The following MEI1 variants were observed in gnomAD, a reference collection of about 807,000 sequenced individuals.
MEI1 encodes the protein meiotic double-stranded break formation protein 1.
MEI1 carries 103 observed loss-of-function variants against 146.2 expected under a neutral mutation model. The ratio of observed to expected loss-of-function variants is 0.70; its 90% CI spans 0.60 to 0.83. The LOEUF (loss-of-function observed/expected upper bound fraction) is 0.83. Among genes scored for constraint, MEI1 ranks in the 40% least tolerant of loss-of-function variants. The pLI, the probability that MEI1 is intolerant of heterozygous loss-of-function variation, is 0.00. For synonymous variants in MEI1, 652 were observed against 628.2 expected, an observed-to-expected ratio of 1.04 and a Z score of -0.57; for missense variants, 1,529 against 1,533.0, an observed-to-expected ratio of 1.00 and a Z score of 0.04.
intron 22 of MEI1, among the ~76,000 whole-genome samples, chr22:41,779,834 G>A (rs956094604): frequency 3.3e-5 from 5 of 151,980 alleles, no homozygotes; most frequent in African/African-American, 2.4e-5. Flanking sequence ...AAACCTCCTC[G>A]GTTTCTCAAC....
intron 21 of MEI1, 76 bp from the exon 22 acceptor site, chr22:41,778,632 G>T: frequency 8.7e-7 from 1 of 1,153,230 alleles, no homozygotes; most frequent in South Asian, 1.4e-5. Context: ...AAGGGCCATT[G>T]AAGCAGGGCA....
chr22:41,798,088 C>T (rs1050612689), intron 30 of MEI1, among the ~76,000 whole-genome samples: 8 of 150,118 alleles, frequency 5.3e-5, no homozygotes, highest in East Asian at 2.0e-4. Flanking sequence ...GTTGTCCAAG[C>T]GCAGTTGGTT....
intron 26 of MEI1, among the ~76,000 whole-genome samples, chr22:41,786,341 C>A (rs2075985538): frequency 6.6e-6 from 1 of 152,196 alleles, no homozygotes; most frequent in East Asian, 1.9e-4. Flanking sequence ...CCACTATTCC[C>A]TGCCTGGGTG....
chr22:41,732,074 C>T (rs1035146333), intron 9 of MEI1, among the ~76,000 whole-genome samples, 171 bp from the exon 10 acceptor site: 4 of 152,150 alleles, frequency 2.6e-5, no homozygotes, highest in South Asian at 2.1e-4. Flanking sequence ...GATGAGGGCC[C>T]GGCCTCAAAG....
intron 11 of MEI1, among the ~76,000 whole-genome samples, chr22:41,740,841 A>C (rs919554015): frequency 9.2e-5 from 14 of 152,146 alleles, no homozygotes; most frequent in Non-Finnish European, 1.5e-4. Context: ...GAAGAAGGAA[A>C]GGGGAAATCA....
intron 19 of MEI1, among the ~76,000 whole-genome samples, chr22:41,769,595 C>T (rs1196074484): frequency 1.3e-5 from 2 of 151,784 alleles, no homozygotes; most frequent in Non-Finnish European, 2.9e-5. Flanking sequence ...GCCTCAGCCT[C>T]CCAAGTAGCT....
intron 12 of MEI1, among the ~76,000 whole-genome samples, chr22:41,743,734 T>C (rs1172177870): frequency 6.6e-6 from 1 of 152,210 alleles, no homozygotes; most frequent in Non-Finnish European, 1.5e-5. Context: ...AGTGGGGATT[T>C]TCTTGTGTTT....
At chr22:41,748,959 C>T (rs190454161) in intron 15 of MEI1, among the ~76,000 whole-genome samples, 9 of 152,184 alleles carry the variant, frequency 5.9e-5, no homozygotes, top group South Asian at 4.1e-4. Flanking sequence ...CCCGCCACCA[C>T]GCCCGGCTAA....
intron 6 of MEI1, among the ~76,000 whole-genome samples, chr22:41,723,094 C>T (rs529473596): frequency 6.6e-6 from 1 of 152,312 alleles, no homozygotes; most frequent in East Asian, 1.9e-4. Flanking sequence ...TTAAATGGTA[C>T]TTGCTGATGG....
intron 3 of MEI1, among the ~76,000 whole-genome samples, 162 bp from the exon 4 acceptor site, chr22:41,713,840 G>T (rs5758430): frequency 0.82 from 124,444 of 152,222 alleles, 52,025 homozygotes; most frequent in African/African-American, 0.95. Flanking sequence ...GAGCCACTGT[G>T]CCTGGCCTGT....
intron 11 of MEI1, among the ~76,000 whole-genome samples, chr22:41,741,734 G>C (rs1244619766): frequency 6.6e-6 from 1 of 152,204 alleles, no homozygotes; most frequent in Non-Finnish European, 1.5e-5. Flanking sequence ...CCAGCACTTT[G>C]AGAGGCTGAG....
At chr22:41,732,220 C>T in intron 9 of MEI1, 25 bp from the exon 10 acceptor site, 2 of 1,569,418 alleles carry the variant, frequency 1.3e-6, no homozygotes, top group South Asian at 1.2e-5. Context: ...TGATCCCTGG[C>T]CTCTGTCATG....
intron 3 of MEI1, among the ~76,000 whole-genome samples, chr22:41,710,841 A>G (rs1399508869): frequency 6.6e-6 from 1 of 152,164 alleles, no homozygotes. Flanking sequence ...CTGCCTCTCC[A>G]TTTGCTGTTG....
At chr22:41,717,978 C>T in intron 5 of MEI1, 93 bp from the exon 6 acceptor site, 1 of 1,068,386 alleles carries the variant, frequency 9.4e-7, no homozygotes, top group Admixed American at 2.6e-5. Context: ...AGGGACTTAC[C>T]ATTACTACCC....
At chr22:41,760,381 C>T (rs181220050) in intron 18 of MEI1, among the ~76,000 whole-genome samples, 234 of 149,766 alleles carry the variant, frequency 1.6e-3, no homozygotes, top group African/African-American at 5.3e-3. Flanking sequence ...TGGTGGCAGG[C>T]GCCTGTAGTC....
At chr22:41,712,788 G>A (rs908728324) in intron 3 of MEI1, among the ~76,000 whole-genome samples, 1 of 149,744 alleles carries the variant, frequency 6.7e-6, no homozygotes, top group Admixed American at 6.7e-5. Flanking sequence ...GGTGGGACTT[G>A]GGTATTAGTT....
rs754417840 is a variant in MEI1 at position 41,748,261 on chromosome 22, C to G, written c.1792+43C>G. 4.9e-5 allele frequency: 62 copies of G among 1,277,488 alleles called. 1 individual carries two copies. The South Asian group carries it at 7.3e-4, about 15-fold the overall frequency. The allele number at this position is 1,277,488 out of a possible 1,614,324, so 79.1% of individuals were successfully genotyped here. A position where few individuals can be genotyped will look rare whatever the true frequency, so the allele number is the denominator to read the frequency against. The stretch of plus-strand genomic sequence containing the variant: ...GTGGAGGTTGGGAGGGAGGCAAGCA[C>G]CTTAGGCAATGCTCAGAGAGTATTC... On this transcript the variant is annotated intron_variant, in intron 15 of 30. Coordinates refer to ENST00000401548, the MANE Select transcript of MEI1 (RefSeq NM_152513.4).
rs1036973490 is a variant in MEI1 at position 41,709,526 on chromosome 22, C to T, written c.349+3972C>T. 29 of 574,820 alleles carry T rather than the reference C, an allele frequency of 5.0e-5. No individual in the cohort carries two copies. In the East Asian group the frequency reaches 9.7e-4, roughly 19 times the overall value. 35.6% of individuals were successfully genotyped at this position (574,820 alleles called of 1,614,324 possible). Reference sequence around the variant, plus strand: ...ACGGCAGCGGGATGTAGGTGCTGTGCGCGGGATGCAGCGGCACACGGGCTT... The same window carrying T: ...ACGGCAGCGGGATGTAGGTGCTGTGTGCGGGATGCAGCGGCACACGGGCTT... On this transcript the variant is annotated intron_variant, in intron 3 of 30. Coordinates refer to ENST00000401548, the MANE Select transcript of MEI1 (RefSeq NM_152513.4).
In MEI1 at chr22:41,705,694, A is replaced by G. The variant is rs111861246; in HGVS notation, c.349+140A>G. 2,728 of 668,462 alleles carry G rather than the reference A, an allele frequency of 4.1e-3. 50 individuals are homozygous for G. The African/African-American group carries it at 0.044, about 11-fold the overall frequency. 41.4% of individuals were successfully genotyped at this position (668,462 alleles called of 1,614,324 possible). On this transcript the variant is annotated intron_variant, in intron 3 of 30. Transcript: ENST00000401548. ...CCATTAGTTTTCAATCACTAATTCA[A>G]CATTTGTTTTTTACTTTTTTTTTTT... is the stretch of plus-strand genomic sequence containing the variant.
Sources: gnomAD v4.1 joint callset for allele counts (sites outside exome capture counted in the v4.1 genomes callset) on GRCh38, gnomAD v4.1.1 for gene constraint, MANE v1.5 for transcripts, NCBI Gene and HGNC (gene_info 2026-07-23, HGNC 2026-07-21) for gene names.